Variants in PHACTR2 observed in about 807,000 individuals in gnomAD.
PHACTR2 encodes chromosome 6 open reading frame 56.
A neutral mutation model predicts 76.0 loss-of-function variants in PHACTR2; 30 were observed. The ratio of observed to expected loss-of-function variants is 0.39; its 90% CI spans 0.30 to 0.54. PHACTR2 has a LOEUF of 0.54. PHACTR2 is among the 20% of genes least tolerant of loss of function. The pLI is 0.61. For synonymous variants in PHACTR2, 292 were observed against 292.5 expected, an observed-to-expected ratio of 1.00 and a Z score of 0.02; for missense variants, 696 against 781.1, an observed-to-expected ratio of 0.89 and a Z score of 1.30.
chr6:143,768,540 C>A (rs1038288726), intron 6 of PHACTR2, among the ~76,000 whole-genome samples: 3 of 152,166 alleles, frequency 2.0e-5, no homozygotes, highest in Non-Finnish European at 2.9e-5. Flanking sequence ...GTCTTAAACA[C>A]TCAGAGAGCT....
rs919734291 is a variant in PHACTR2 at position 143,595,500 on chromosome 6, T to A, written c.217+58293T>A. On this transcript the variant is annotated intron_variant, in intron 1 of 11. Coordinates refer to the PHACTR2 transcript ENST00000367584. This position sits in a 1 kb window ranked among gnomAD's most constrained non-coding sequence, Gnocchi z 4.2. ...TTATTTAAATGTTTCCAGACTCAAA[T>A]GACTGATGAGCTAACATATTTTTAA... 3.3e-5 allele frequency among the ~76,000 whole-genome samples: 5 copies of A among 152,226 alleles called. No homozygotes were observed. Among genetic ancestry groups the A allele is most frequent in the African/African-American group, 1.2e-4 (5 of 41,456 alleles).
At chr6:143,712,361 C>A in intron 2 of PHACTR2, 178 bp downstream of exon 2, 1 of 345,336 alleles carries the variant, frequency 2.9e-6, no homozygotes, top group Non-Finnish European at 5.1e-6. Flanking sequence ...GATTTGCCTT[C>A]TTTCTATACT....
rs1000281632 is a variant in PHACTR2, at chr6:143,543,807, A to C, written c.217+6600A>C. Among the ~76,000 whole-genome samples the C allele has an allele frequency of 6.6e-6, 1 of 152,158 alleles. No individual in the cohort carries two copies. Among genetic ancestry groups the C allele is most frequent in the Non-Finnish European group, 1.5e-5 (1 of 68,026 alleles). On this transcript the variant is annotated intron_variant, in intron 1 of 11. Transcript: ENST00000367584. This position sits in a 1 kb window ranked among gnomAD's most constrained non-coding sequence, Gnocchi z 4.7. ...GTTTGCCTTTTTCCTGGGAGACACA[A>C]TTTAGGCATTTGCAAGTTTGATATG...
chr6:143,752,870 G>C (rs571355925), intron 3 of PHACTR2, among the ~76,000 whole-genome samples: 1 of 152,224 alleles, frequency 6.6e-6, no homozygotes, highest in South Asian at 2.1e-4. Flanking sequence ...AAATTTTCCA[G>C]ATATAAAGTA....
rs1436649081 is a variant in PHACTR2 at position 143,757,017 on chromosome 6, C to T, written c.454+3105C>T. On this transcript the variant is annotated intron_variant, in intron 4 of 12. Coordinates refer to ENST00000440869, the MANE Select transcript of PHACTR2 (RefSeq NM_001100164.2). This position sits in a 1 kb window ranked among gnomAD's most constrained non-coding sequence, Gnocchi z 4.2. ...AGCTGAGTTCAGGCACCATTGCACT[C>T]CAGCCTGGGTGACAGCCAGTCTCAA... Among the ~76,000 whole-genome samples the T allele has an allele frequency of 6.6e-6, 1 of 152,088 alleles. No homozygotes were observed. The highest frequency in any genetic ancestry group is 2.4e-5 in the African/African-American group (1 of 41,410).
In PHACTR2 at chr6:143,734,887, G is replaced by A. The variant is rs138772142; in HGVS notation, c.215-14098G>A. On this transcript the variant is annotated intron_variant, in intron 2 of 12. Coordinates refer to ENST00000440869, the MANE Select transcript of PHACTR2 (RefSeq NM_001100164.2). ...TACTACAGAAGCCCTTCTGGCCTGG[G>A]TCAGAGAATTCATGTCAGGAAAGTC... 6.1e-3 allele frequency among the ~76,000 whole-genome samples: 922 copies of A among 152,244 alleles called. 26 individuals carry two copies. The highest frequency in any genetic ancestry group is 0.052 in the Admixed American group (796 of 15,294).
In PHACTR2 at chr6:143,591,691, G is replaced by A. The variant is rs1339969100; in HGVS notation, c.217+54484G>A. ...GAGAATTCCAGTGGCGATAGATGAC[G>A]ATCCCAATGCTGCACTGACATGTGG... is the stretch of plus-strand genomic sequence containing the variant. On this transcript the variant is annotated intron_variant, in intron 1 of 11. Transcript: ENST00000367584. This position sits in a 1 kb window ranked among gnomAD's most constrained non-coding sequence, Gnocchi z 6.4. 6.6e-6 allele frequency among the ~76,000 whole-genome samples: 1 copy of A among 152,210 alleles called. No individual in the cohort carries two copies. The highest frequency in any genetic ancestry group is 1.5e-5 in the Non-Finnish European group (1 of 68,048).
rs1449253218 is a variant in PHACTR2 at position 143,760,494 on chromosome 6, C to A, written c.548C>A (p.Ser183Ter). 6.2e-6 allele frequency: 10 copies of A among 1,613,814 alleles called. No homozygotes were observed. The Admixed American group carries it at 1.7e-4, about 27-fold the overall frequency. Residue 183 changes from serine (S) to a stop codon, truncating the protein, a stop_gained, in exon 5 of 13, where the codon TCA (serine) becomes TAA (stop). Coordinates refer to ENST00000440869, the MANE Select transcript of PHACTR2 (RefSeq NM_001100164.2). LOFTEE classifies it high-confidence loss of function. The surrounding 1 kb of genome is among the most constrained non-coding windows in gnomAD (Gnocchi z 6.4). ...AGACCCAAACCTAAACCCAAAAAATCACCTGTGCCTCCGAAAGGGGCCACT... is the reference window on the plus strand; with the variant it reads ...AGACCCAAACCTAAACCCAAAAAATAACCTGTGCCTCCGAAAGGGGCCACT... ...KPRPKPKPKK[S>*]PVPPKGATAG...
chr6:143,590,171 T>C (rs1009128400), intron 1 of PHACTR2, among the ~76,000 whole-genome samples: 2 of 152,224 alleles, frequency 1.3e-5, no homozygotes, highest in Admixed American at 1.3e-4. Context: ...TAGCCTTATG[T>C]TCATTAAAAT....
intron 1 of PHACTR2, among the ~76,000 whole-genome samples, chr6:143,634,901 T>A (rs1367112784): frequency 6.6e-6 from 1 of 152,134 alleles, no homozygotes; most frequent in African/African-American, 2.4e-5. Flanking sequence ...TCAGCACCAA[T>A]ATTTTAAATC....
chr6:143,798,271 T>C lies in PHACTR2; in HGVS notation c.1846-8786T>C, dbSNP rs558919801. ...TTTGTATCCTGAGACTTTGCTGAAG[T>C]TGCTTATCAGCTTCAGGAGATTTTG... is the stretch of plus-strand genomic sequence containing the variant. On this transcript the variant is annotated intron_variant, in intron 11 of 12. Transcript: ENST00000440869. Among the ~76,000 whole-genome samples the C allele has an allele frequency of 1.2e-4, 18 of 152,360 alleles. No individual in the cohort carries two copies. The South Asian group carries it at 2.9e-3, about 25-fold the overall frequency.
In PHACTR2 at chr6:143,541,053, G is replaced by A. The variant is rs1562678536; in HGVS notation, c.217+3846G>A. ...GGATCCTGCTGCCTCAGCCTCCTGA[G>A]TAGCTGGTGTTATAGGCGCATGCCA... On this transcript the variant is annotated intron_variant, in intron 1 of 11. Transcript: ENST00000367584. The surrounding 1 kb of genome is among the most constrained non-coding windows in gnomAD (Gnocchi z 5.3). Among the ~76,000 whole-genome samples the A allele has an allele frequency of 6.6e-6, 1 of 152,218 alleles. No individual in the cohort carries two copies. The highest frequency in any genetic ancestry group is 6.5e-5 in the Admixed American group (1 of 15,288).
At chr6:143,744,240 G>A (rs1779005674) in intron 2 of PHACTR2, among the ~76,000 whole-genome samples, 1 of 152,164 alleles carries the variant, frequency 6.6e-6, no homozygotes, top group Non-Finnish European at 1.5e-5. Context: ...GATTCTTGTC[G>A]CTCAGGGTTT....
chr6:143,651,604 C>T (rs115333893), intron 1 of PHACTR2, among the ~76,000 whole-genome samples: 4,519 of 152,128 alleles, frequency 0.03, 209 homozygotes, highest in African/African-American at 0.099. Context: ...AATCAAACAC[C>T]GCATGTTCTC....
intron 1 of PHACTR2, among the ~76,000 whole-genome samples, chr6:143,643,814 G>A (rs2128444613): frequency 6.6e-6 from 1 of 152,268 alleles, no homozygotes; most frequent in East Asian, 1.9e-4. Flanking sequence ...CAGCAATTTA[G>A]TGTCCTGTTT....
intron 12 of PHACTR2, among the ~76,000 whole-genome samples, chr6:143,817,478 G>A (rs1305634933): frequency 6.6e-6 from 1 of 152,178 alleles, no homozygotes; most frequent in East Asian, 1.9e-4. Context: ...CTGCTCAGAG[G>A]GAGATGCTGC....
rs1254503775 is a variant in PHACTR2, at chr6:143,548,472, C to T, written c.217+11265C>T. ...TCTGATGCTGTGAGCATATATTCTC[C>T]TCAGATTTCCCCTATTTACATGTCT... On this transcript the variant is annotated intron_variant, in intron 1 of 11. Coordinates refer to the PHACTR2 transcript ENST00000367584. The surrounding 1 kb of genome is among the most constrained non-coding windows in gnomAD (Gnocchi z 4.5). 6.6e-6 allele frequency among the ~76,000 whole-genome samples: 1 copy of T among 152,022 alleles called. No homozygotes were observed. The highest frequency in any genetic ancestry group is 1.5e-5 in the Non-Finnish European group (1 of 67,978).
rs560792427 is a variant in PHACTR2, at chr6:143,803,236, G to C, written c.1846-3821G>C. On this transcript the variant is annotated intron_variant, in intron 11 of 12. Transcript: ENST00000440869. The surrounding 1 kb of genome is among the most constrained non-coding windows in gnomAD (Gnocchi z 4.7). ...CGCTCTTTGAGGCTGAAGCAAATCT[G>C]ACAGATTTTCAATGTGAAAATAAAA... Among the ~76,000 whole-genome samples the C allele has an allele frequency of 7.2e-5, 11 of 152,302 alleles. No homozygotes were observed. Among genetic ancestry groups the C allele is most frequent in the African/African-American group, 1.9e-4 (8 of 41,562 alleles).
At chr6:143,669,358 G>T (rs940000996) in intron 1 of PHACTR2, among the ~76,000 whole-genome samples, 4 of 152,078 alleles carry the variant, frequency 2.6e-5, no homozygotes, top group Non-Finnish European at 5.9e-5. Context: ...GCTGATTTGG[G>T]GTGTAGAGTT....
Sources: allele counts gnomAD v4.1 joint callset (sites outside exome capture counted in the v4.1 genomes callset), GRCh38; gene constraint gnomAD v4.1.1; non-coding constraint Gnocchi (gnomAD v3.1); transcripts MANE v1.5; gene names NCBI Gene and HGNC (gene_info 2026-07-23, HGNC 2026-07-21).